The following HACD1 variants were observed in gnomAD, a reference collection of about 807,000 sequenced individuals.
HACD1 encodes the protein 3-hydroxyacyl-CoA dehydratase 1, also known as very-long-chain (3R)-3-hydroxyacyl-CoA dehydratase 1.
In HACD1, 41 loss-of-function variants were observed where a neutral mutation model predicts 32.0. That is an observed-to-expected ratio of 1.28 (90% CI 1.00 to 1.66). The LOEUF (loss-of-function observed/expected upper bound fraction) is 1.66, where lower values mean the gene tolerates loss of function less well. HACD1 is among the 40% of genes most tolerant of loss of function. HACD1 has a pLI of 0.00. For synonymous variants in HACD1, 142 were observed against 139.0 expected (o/e 1.02, Z -0.15); for missense variants, 396 against 380.1 (o/e 1.04, Z -0.35).
chr10:17,590,292 T>C lies in HACD1; in HGVS notation c.*72A>G. The C allele has an allele frequency of 1.8e-6, 2 of 1,103,924 alleles. No homozygotes were observed. The highest frequency in any genetic ancestry group is 2.4e-5 in the Admixed American group (1 of 42,430). The allele number at this position is 1,103,924 out of a possible 1,614,324, so 68.4% of individuals were successfully genotyped here. A position where few individuals can be genotyped will look rare whatever the true frequency, so the allele number is the denominator to read the frequency against. ...CCATGATATTTCACAAAGTTGTTTA[T>C]TCTTGTTATTAAAACTTGGACTCAG... On this transcript the variant is annotated 3_prime_UTR_variant, in exon 7 of 7. Coordinates refer to ENST00000361271, the MANE Select transcript of HACD1 (RefSeq NM_014241.4).
intron 1 of HACD1, among the ~76,000 whole-genome samples, chr10:17,606,562 C>A (rs1433041420): frequency 6.6e-6 from 1 of 152,092 alleles, no homozygotes; most frequent in African/African-American, 2.4e-5. Flanking sequence ...CTTTTTTAAT[C>A]AAAGAACACT....
At chr10:17,600,352 T>A (rs1834052049) in intron 4 of HACD1, among the ~76,000 whole-genome samples, 1 of 152,148 alleles carries the variant, frequency 6.6e-6, no homozygotes, top group Non-Finnish European at 1.5e-5. Flanking sequence ...ATTTATTTAT[T>A]TATGTGAGAC....
chr10:17,608,629 G>A (rs542161424), intron 1 of HACD1, among the ~76,000 whole-genome samples: 2 of 151,976 alleles, frequency 1.3e-5, no homozygotes, highest in South Asian at 2.1e-4. Context: ...TGGGATTACA[G>A]GTACCTGCCA....
chr10:17,612,510 G>C (rs1554817590), intron 1 of HACD1, among the ~76,000 whole-genome samples: 1 of 152,150 alleles, frequency 6.6e-6, no homozygotes, highest in East Asian at 1.9e-4. Flanking sequence ...ACAATCATAT[G>C]AAAGAAAGTG....
At chr10:17,614,146 T>A (rs1833034888) in intron 1 of HACD1, among the ~76,000 whole-genome samples, 1 of 152,170 alleles carries the variant, frequency 6.6e-6, no homozygotes, top group Non-Finnish European at 1.5e-5. Context: ...AGGCAGATAT[T>A]TCAAAATGTT....
intron 1 of HACD1, among the ~76,000 whole-genome samples, chr10:17,609,236 G>C (rs1834193887): frequency 1.3e-5 from 2 of 148,606 alleles, no homozygotes; most frequent in South Asian, 4.3e-4. Flanking sequence ...CTCACTGCAA[G>C]CTCCACCTCC....
intron 1 of HACD1, among the ~76,000 whole-genome samples, chr10:17,611,808 T>C (rs779827952): frequency 2.2e-4 from 33 of 151,828 alleles, no homozygotes; most frequent in African/African-American, 7.2e-4. Flanking sequence ...CTACTAAAAA[T>C]ACAAAAAAAT....
At chr10:17,591,955 G>A (rs1833933242) in intron 6 of HACD1, among the ~76,000 whole-genome samples, 1 of 142,136 alleles carries the variant, frequency 7.0e-6, no homozygotes, top group Non-Finnish European at 1.5e-5. Context: ...TTCAAACCCT[G>A]CCTTAACTCA....
intron 1 of HACD1, among the ~76,000 whole-genome samples, chr10:17,605,517 T>G (rs1234865609): frequency 1.5e-5 from 2 of 136,266 alleles, no homozygotes; most frequent in Non-Finnish European, 3.1e-5. Flanking sequence ...AGAGCAAGAC[T>G]CCATCTCGGG....
At chr10:17,609,184 T>C (rs1247017272) in intron 1 of HACD1, among the ~76,000 whole-genome samples, 1 of 149,690 alleles carries the variant, frequency 6.7e-6, no homozygotes, top group African/African-American at 2.5e-5. Flanking sequence ...AGACAGAGTC[T>C]TGCTCTGTCA....
intron 1 of HACD1, among the ~76,000 whole-genome samples, chr10:17,607,273 T>A (rs1834161506): frequency 6.6e-6 from 1 of 152,076 alleles, no homozygotes; most frequent in Non-Finnish European, 1.5e-5. Flanking sequence ...GACTCCCTAG[T>A]CCTGACCCCT....
intron 1 of HACD1, among the ~76,000 whole-genome samples, chr10:17,609,928 A>G (rs1007274734): frequency 1.3e-5 from 2 of 150,288 alleles, no homozygotes. Context: ...GGTTGCAGTG[A>G]GCCGAGGATG....
Position 17,603,668 on chromosome 10 carries a change from G to T in HACD1, c.395-20C>A. 1 of 1,608,006 alleles carries T rather than the reference G, an allele frequency of 6.2e-7. No individual in the cohort carries two copies. The highest frequency in any genetic ancestry group is 1.1e-5 in the South Asian group (1 of 90,756). ...CAATTCCTTAAAAAGAAAAACAAGT[G>T]AACTATTGCCCTAAAGGCAATTTAT... On this transcript the variant is annotated intron_variant, in intron 3 of 6. Coordinates refer to ENST00000361271, the MANE Select transcript of HACD1 (RefSeq NM_014241.4).
chr10:17,610,322 T>C lies in HACD1; in HGVS notation c.258-6275A>G, dbSNP rs143424847. ...TTCTATTAAATCATACTAAGTATAC[T>C]GTGAAAATATCTTACTTTCTCTTTC... On this transcript the variant is annotated intron_variant, in intron 1 of 6. Coordinates refer to ENST00000361271, the MANE Select transcript of HACD1 (RefSeq NM_014241.4). Among the ~76,000 whole-genome samples, 245 of 152,302 alleles carry C rather than the reference T, an allele frequency of 1.6e-3. 1 individual carries two copies. Among genetic ancestry groups the C allele is most frequent in the African/African-American group, 4.9e-3 (202 of 41,576 alleles).
chr10:17,599,476 A>ACTT (rs1834040013), intron 4 of HACD1, 65 bp from the exon 5 acceptor site: 1 of 1,539,874 alleles, frequency 6.5e-7, no homozygotes, highest in African/African-American at 1.4e-5. Context: ...GAAGGTACTT[A>ACTT]CTTTACTTAT....
intron 1 of HACD1, among the ~76,000 whole-genome samples, chr10:17,611,386 A>G (rs1834233892): frequency 6.6e-6 from 1 of 152,178 alleles, no homozygotes; most frequent in Non-Finnish European, 1.5e-5. Context: ...ATGCCTACTT[A>G]AGTCCTTCAC....
chr10:17,593,469 C>A (rs1833955382), intron 6 of HACD1, among the ~76,000 whole-genome samples: 1 of 152,170 alleles, frequency 6.6e-6, no homozygotes, highest in African/African-American at 2.4e-5. Flanking sequence ...GCATGCGCCA[C>A]CATGCCCAGT....
intron 1 of HACD1, among the ~76,000 whole-genome samples, chr10:17,616,223 C>A (rs2131526859): frequency 3.1e-5 from 3 of 97,742 alleles, no homozygotes; most frequent in Middle Eastern, 9.9e-3. Context: ...GAGCCGAGAT[C>A]CCGCCACTGC....
Position 17,617,208 on chromosome 10 carries a change from G to C in HACD1, c.132C>G (p.Asp44Glu). Residue 44 changes from aspartate to glutamate, a missense_variant, in exon 1 of 7, where the codon GAC becomes GAG. Asp to Glu is a conservative substitution (Grantham distance 45, BLOSUM62 2). Coordinates refer to ENST00000361271, the MANE Select transcript of HACD1 (RefSeq NM_014241.4). ...AGGCGCCGCCGTTGGTGCCGTCCTC[G>C]TCGCTGGACGCCATGGTGGCCGCGC... The part of the protein sequence containing the change: ...PRCAATMASS[D>E]EDGTNGGASE... 6.7e-7 allele frequency: 1 copy of C among 1,495,640 alleles called. No individual in the cohort carries two copies. The highest frequency in any genetic ancestry group is 1.2e-5 in the South Asian group (1 of 80,390). 92.6% of individuals were successfully genotyped at this position (1,495,640 alleles called of 1,614,324 possible).
Sources: gnomAD v4.1 joint callset for allele counts (sites outside exome capture counted in the v4.1 genomes callset) on GRCh38, gnomAD v4.1.1 for gene constraint, MANE v1.5 for transcripts, NCBI Gene and HGNC (gene_info 2026-07-23, HGNC 2026-07-21) for gene names.